Variants in SLC2A3 observed in about 807,000 individuals in gnomAD.
SLC2A3 encodes solute carrier family 2, facilitated glucose transporter member 3.
In SLC2A3, 21 loss-of-function variants were observed where a neutral mutation model predicts 46.4. The observed-to-expected ratio is 0.45, with a 90% CI of 0.32 to 0.65. The LOEUF is 0.65. SLC2A3 is among the 30% of genes least tolerant of loss of function. The pLI is 0.04. For missense variants in SLC2A3, 499 were observed against 623.3 expected (o/e 0.80, Z 2.12); for synonymous variants, 213 against 239.4 (o/e 0.89, Z 1.02).
chr12:7,922,656 C>A (rs1197162960), intron 9 of SLC2A3, among the ~76,000 whole-genome samples, 165 bp downstream of exon 9: 1 of 151,852 alleles, frequency 6.6e-6, no homozygotes, highest in Non-Finnish European at 1.5e-5. Context: ...GTTGGCCAGG[C>A]TGGTCTTGAA....
intron 7 of SLC2A3, 136 bp downstream of exon 7, chr12:7,925,708 A>T (rs1414790574): frequency 1.4e-6 from 1 of 699,736 alleles, no homozygotes; most frequent in Non-Finnish European, 2.5e-6. Flanking sequence ...CCAACATTAA[A>T]TTTATCTCTT....
rs138143062 is a variant in SLC2A3, at chr12:7,931,304, G to T, written c.451C>A (p.Arg151=). The T allele has an allele frequency of 6.2e-5, 100 of 1,614,102 alleles. 1 individual carries two copies. Among genetic ancestry groups the T allele is most frequent in the South Asian group, 3.6e-4 (33 of 91,084 alleles). ...YIGEISPTAL[R]GAFGTLNQLG... is the part of the protein sequence containing the mutation. ...TGGTTGAGAGTGCCAAAGGCACCCC[G>T]CAGGGCAGTAGGCGAGATCTCTCCA... Residue 151 remains arginine, a synonymous_variant, in exon 4 of 10, where the codon CGG becomes AGG. Transcript: ENST00000075120.
chr12:7,927,329 ACAAG>A (rs139356279), intron 6 of SLC2A3, among the ~76,000 whole-genome samples: 3,653 of 152,188 alleles, frequency 0.024, 143 homozygotes, highest in African/African-American at 0.082. Context: ...AGCAGTTTAA[ACAAG>A]CAATAAATAG....
At chr12:7,931,851 C>T (rs1199544937) in intron 3 of SLC2A3, among the ~76,000 whole-genome samples, 1 of 151,116 alleles carries the variant, frequency 6.6e-6, no homozygotes, top group Non-Finnish European at 1.5e-5. Flanking sequence ...ATGTGAATTC[C>T]AATTGCATTT....
chr12:7,932,829 G>T (rs112572871), intron 3 of SLC2A3, 158 bp downstream of exon 3: 5 of 1,052,798 alleles, frequency 4.7e-6, no homozygotes, highest in East Asian at 5.2e-5. Flanking sequence ...CTCCAAGCAA[G>T]GGCAGTCATA....
At position 7,924,934 on chromosome 12, in the gene SLC2A3, C is replaced by CT. The variant is rs1946078965; in HGVS notation, c.967-424dup. On this transcript the variant is annotated intron_variant, in intron 7 of 9. Transcript: ENST00000075120. Reference sequence around the variant, plus strand: ...GGCCCAGCTGGGTTCAGATCATTCCCTTTTTGTCCAATCACAGGTCAGAAC... The same window carrying CT: ...GGCCCAGCTGGGTTCAGATCATTCCCTTTTTTGTCCAATCACAGGTCAGAAC... 5.3e-5 allele frequency among the ~76,000 whole-genome samples: 8 copies of CT among 152,310 alleles called. No homozygotes were observed. The South Asian group carries it at 1.7e-3, about 32-fold the overall frequency.
intron 3 of SLC2A3, 128 bp downstream of exon 3, chr12:7,932,859 G>C (rs554796342): frequency 1.3e-5 from 18 of 1,390,574 alleles, no homozygotes; most frequent in Middle Eastern, 5.2e-4. Context: ...AGTTGGACTA[G>C]GTTTCCCTTG....
At chr12:7,923,552 T>C (rs1169855592) in intron 8 of SLC2A3, among the ~76,000 whole-genome samples, 1 of 151,864 alleles carries the variant, frequency 6.6e-6, no homozygotes, top group Non-Finnish European at 1.5e-5. Flanking sequence ...GAGGCAGAGG[T>C]TGCAGTGAGC....
In SLC2A3 at chr12:7,925,834, T is replaced by C. The variant is rs755199654; in HGVS notation, c.966+10A>G. 120 of 1,603,628 alleles carry C rather than the reference T, an allele frequency of 7.5e-5. No homozygotes were observed. The highest frequency in any genetic ancestry group is 1.0e-4 in the Non-Finnish European group (117 of 1,171,036). On this transcript the variant is annotated intron_variant, in intron 7 of 9. Coordinates refer to ENST00000075120, the MANE Select transcript of SLC2A3 (RefSeq NM_006931.3). ...TTCTCCCCTCAAAATTACCAAACCA[T>C]CCAACTTACAGAAACTACAGTGAAG...
At chr12:7,930,215 A>G (rs921025720) in intron 5 of SLC2A3, 8 of 499,990 alleles carry the variant, frequency 1.6e-5, no homozygotes, top group Non-Finnish European at 2.7e-5. Context: ...TGAACTCCTG[A>G]CCTCAGGTGA....
Position 7,933,849 on chromosome 12 carries a change from T to C in SLC2A3, c.69A>G (p.Gln23=), listed in dbSNP as rs141677583. 3.1e-5 allele frequency: 50 copies of C among 1,614,028 alleles called. No homozygotes were observed. The African/African-American group carries it at 5.3e-4, about 17-fold the overall frequency. Residue 23 remains glutamine, a synonymous_variant, in exon 2 of 10, where the codon CAA becomes CAG. Coordinates refer to ENST00000075120, the MANE Select transcript of SLC2A3 (RefSeq NM_006931.3). The part of the protein sequence containing the change: ...AITVATIGSF[Q]FGYNTGVINA... ...TGATGACCCCAGTGTTGTAGCCAAA[T>C]TGGAAAGAGCCGATTGTAGCAACTG...
intron 1 of SLC2A3, 31 bp from the exon 2 acceptor site, chr12:7,933,933 G>A (rs1565605533): frequency 6.3e-7 from 1 of 1,595,044 alleles, no homozygotes; most frequent in South Asian, 1.1e-5. Context: ...GGAGAGAATA[G>A]TCCTTAAAAC....
chr12:7,922,916 A>T lies in SLC2A3; in HGVS notation c.1177T>A (p.Phe393Ile), dbSNP rs1280177716. 1 of 1,614,084 alleles carries T rather than the reference A, an allele frequency of 6.2e-7. No homozygotes were observed. The highest frequency in any genetic ancestry group is 8.5e-7 in the Non-Finnish European group (1 of 1,180,048). ...GCAGCTGGGCGGGGGCCCTGGCTGA[A>T]GAGTTCGGCCACAATAAACCAGGGA... ...PIPWFIVAELFSQGPRPAAMA... is the reference protein window; with the variant it reads ...PIPWFIVAELISQGPRPAAMA... Residue 393 changes from phenylalanine (F) to isoleucine (I), a missense_variant, in exon 9 of 10, where the codon TTC (phenylalanine) becomes ATC (isoleucine). Coordinates refer to ENST00000075120, the MANE Select transcript of SLC2A3 (RefSeq NM_006931.3).
At chr12:7,921,983 A>G (rs1005868343) in intron 9 of SLC2A3, among the ~76,000 whole-genome samples, 4 of 151,850 alleles carry the variant, frequency 2.6e-5, no homozygotes, top group African/African-American at 9.7e-5. Context: ...ACTGGAACCC[A>G]GCAGTTTGAG....
intron 8 of SLC2A3, chr12:7,923,235 A>G: frequency 1.9e-6 from 1 of 535,920 alleles, no homozygotes; most frequent in Non-Finnish European, 3.3e-6. Flanking sequence ...GTGGCACTAC[A>G]ATAGCTCACT....
At chr12:7,922,501 G>A (rs891997267) in intron 9 of SLC2A3, among the ~76,000 whole-genome samples, 5 of 152,008 alleles carry the variant, frequency 3.3e-5, no homozygotes, top group African/African-American at 7.2e-5. Flanking sequence ...TGCTTCCATC[G>A]AGCAGGCTAG....
intron 5 of SLC2A3, 72 bp downstream of exon 5, chr12:7,930,408 G>A: frequency 7.1e-7 from 1 of 1,406,920 alleles, no homozygotes; most frequent in South Asian, 1.3e-5. Context: ...ACAGAAAGTA[G>A]GTCCAGTACA....
chr12:7,923,868 A>C (rs1946066634), intron 8 of SLC2A3, among the ~76,000 whole-genome samples: 1 of 151,024 alleles, frequency 6.6e-6, no homozygotes, highest in African/African-American at 2.4e-5. Flanking sequence ...TCCTGGGTTC[A>C]AGCAATTCTC....
Position 7,933,084 on chromosome 12 carries a change from GC to G in SLC2A3, c.171del (p.Leu58CysfsTer18). The G allele has an allele frequency of 6.2e-7, 1 of 1,614,126 alleles. No individual in the cohort carries two copies. The highest frequency in any genetic ancestry group is 8.5e-7 in the Non-Finnish European group (1 of 1,180,004). On this transcript the variant is annotated frameshift_variant, in exon 3 of 10. Coordinates refer to ENST00000075120, the MANE Select transcript of SLC2A3 (RefSeq NM_006931.3). LOFTEE classifies it high-confidence loss of function. ...TDKGNAPPSE[V>X]LLTSLWSLSV... is the part of the protein sequence containing the mutation. The stretch of plus-strand genomic sequence containing the variant: ...GACAAGGACCAGAGAGACGTGAGCA[GC>G]ACCTCAGAGGGTGGGGCATTTCCCT...
Sources: allele counts gnomAD v4.1 joint callset (sites outside exome capture counted in the v4.1 genomes callset), GRCh38; gene constraint gnomAD v4.1.1; transcripts MANE v1.5; gene names NCBI Gene and HGNC (gene_info 2026-07-23, HGNC 2026-07-21).